Variants in PHLDB2 observed in about 807,000 individuals in gnomAD.
PHLDB2 encodes pleckstrin homology-like domain family B member 2.
In PHLDB2, 71 loss-of-function variants were observed where a neutral mutation model predicts 123.6. That is an observed-to-expected ratio of 0.57 (90% CI 0.47 to 0.70). The LOEUF is 0.70. Ranked by LOEUF, PHLDB2 falls within the 30% of genes least tolerant of loss-of-function variation. The pLI is 0.00. For missense variants in PHLDB2, 1,446 were observed against 1,519.5 expected, an observed-to-expected ratio of 0.95 and a Z score of 0.80; for synonymous variants, 547 against 541.6, an observed-to-expected ratio of 1.01 and a Z score of -0.14.
chr3:111,958,832 A>G (rs539647088), intron 12 of PHLDB2: 7 of 427,744 alleles, frequency 1.6e-5, no homozygotes, highest in East Asian at 1.4e-4. Flanking sequence ...ATTTTTCCCA[A>G]TCTTGTTTCT....
chr3:111,747,404 T>C (rs1041713678), intron 1 of PHLDB2, among the ~76,000 whole-genome samples: 1 of 152,094 alleles, frequency 6.6e-6, no homozygotes. Context: ...TTGGTAAATA[T>C]ATTTATAAAT....
chr3:111,786,538 T>G (rs997861353), intron 1 of PHLDB2, among the ~76,000 whole-genome samples: 14 of 152,216 alleles, frequency 9.2e-5, no homozygotes, highest in African/African-American at 3.4e-4. Context: ...TTGACCTAGC[T>G]GAAGAAAATG....
chr3:111,918,127 A>G (rs922974573), intron 3 of PHLDB2, among the ~76,000 whole-genome samples: 2 of 152,262 alleles, frequency 1.3e-5, no homozygotes, highest in Admixed American at 6.5e-5. Context: ...CAGAAATTCT[A>G]GAAAGAAGAA....
chr3:111,740,440 C>T (rs2059583857), intron 1 of PHLDB2, among the ~76,000 whole-genome samples: 3 of 152,070 alleles, frequency 2.0e-5, no homozygotes, highest in Admixed American at 6.6e-5. Context: ...AGTGGGCAGA[C>T]GATGCCATAA....
chr3:111,776,105 C>G (rs1448029402), intron 1 of PHLDB2, among the ~76,000 whole-genome samples: 1 of 152,164 alleles, frequency 6.6e-6, no homozygotes, highest in Non-Finnish European at 1.5e-5. Context: ...GAGAGCCCCT[C>G]ATAACTGCTA....
chr3:111,907,738 C>T (rs141192392), intron 2 of PHLDB2, among the ~76,000 whole-genome samples: 24 of 152,260 alleles, frequency 1.6e-4, no homozygotes, highest in African/African-American at 4.8e-4. Flanking sequence ...GTGATCCACA[C>T]GCCTCAACCT....
intron 2 of PHLDB2, among the ~76,000 whole-genome samples, chr3:111,852,773 CACACACACAT>C (rs1466554901): frequency 9.5e-5 from 13 of 136,754 alleles, no homozygotes; most frequent in Non-Finnish European, 1.7e-4. Context: ...CACACACACA[CACACACACAT>C]ACACACACAC....
At chr3:111,855,452 G>A (rs944838246), upstream of PHLDB2, among the ~76,000 whole-genome samples, 13 of 144,880 alleles carry the variant, frequency 9.0e-5, no homozygotes, top group African/African-American at 2.8e-4. Context: ...CCCCTCCCGC[G>A]CTTCCCTCTT....
At chr3:111,935,644 A>G (rs2069442457) in intron 6 of PHLDB2, among the ~76,000 whole-genome samples, 1 of 152,164 alleles carries the variant, frequency 6.6e-6, no homozygotes, top group Admixed American at 6.5e-5. Context: ...CTCAAAACTG[A>G]AGTACTTGGA....
chr3:111,746,230 TC>T (rs1334594537), intron 1 of PHLDB2, among the ~76,000 whole-genome samples: 1 of 152,172 alleles, frequency 6.6e-6, no homozygotes, highest in African/African-American at 2.4e-5. Context: ...CAATGCTTAT[TC>T]CTTCTGTTGA....
intron 1 of PHLDB2, among the ~76,000 whole-genome samples, chr3:111,759,805 T>C (rs2059963211): frequency 6.6e-6 from 1 of 152,242 alleles, no homozygotes; most frequent in Non-Finnish European, 1.5e-5. Flanking sequence ...CGTCAGATTT[T>C]GGATTTGAGT....
chr3:111,952,259 C>T (rs1395915147), intron 10 of PHLDB2, among the ~76,000 whole-genome samples: 2 of 152,316 alleles, frequency 1.3e-5, no homozygotes, highest in East Asian at 1.9e-4. Flanking sequence ...TGTCCACTGG[C>T]TGTTCTGCCA....
intron 5 of PHLDB2, among the ~76,000 whole-genome samples, chr3:111,923,482 G>A (rs1348687296): frequency 1.3e-5 from 2 of 152,092 alleles, no homozygotes; most frequent in Non-Finnish European, 2.9e-5. Context: ...GTATATGCTG[G>A]TGACTATCAT....
At chr3:111,931,123 C>T (rs1394625752) in intron 5 of PHLDB2, among the ~76,000 whole-genome samples, 1 of 152,096 alleles carries the variant, frequency 6.6e-6, no homozygotes, top group African/African-American at 2.4e-5. Flanking sequence ...CTGTGATGTG[C>T]TTAGAAGCTA....
intron 1 of PHLDB2, among the ~76,000 whole-genome samples, chr3:111,752,311 A>G (rs939330127): frequency 6.6e-6 from 1 of 152,020 alleles, no homozygotes; most frequent in Admixed American, 6.6e-5. Flanking sequence ...ACTAAACTCT[A>G]AAATTCTATC....
chr3:111,859,449 G>C lies in PHLDB2; in HGVS notation c.-142G>C. 3 of 985,540 alleles carry C rather than the reference G, an allele frequency of 3.0e-6. No individual in the cohort carries two copies. Among genetic ancestry groups the C allele is most frequent in the South Asian group, 9.4e-5 (2 of 21,292 alleles). The allele number at this position is 985,540 out of a possible 1,614,324, so 61.0% of individuals were successfully genotyped here. On this transcript the variant is annotated 5_prime_UTR_variant, in exon 1 of 18. Transcript: ENST00000431670. ...GGTTACAAAGGGGGTCAAGAGTGCC[G>C]GACCCAGCCGCGCGGAGCCCACCAT...
At chr3:111,942,698 G>T (rs1050333780) in intron 8 of PHLDB2, among the ~76,000 whole-genome samples, 2 of 152,040 alleles carry the variant, frequency 1.3e-5, no homozygotes, top group Non-Finnish European at 2.9e-5. Flanking sequence ...AGGCTGTGAA[G>T]GGCCTTATGG....
rs1357987842 is a variant in PHLDB2, at chr3:111,885,386, C to A, written c.1309C>A (p.Leu437Ile). ...DYHRRQREER[L>I]REQEMERLER... is the part of the protein sequence containing the mutation. ...TCACCGGCGGCAGAGGGAGGAAAGA[C>A]TCAGGGAGCAGGAAATGGAGCGATT... is the stretch of plus-strand genomic sequence containing the variant. The change falls in exon 2 of 18, where the codon CTC becomes ATC. Residue 437 changes from leucine (L) to isoleucine (I), a missense_variant. Transcript: ENST00000431670. 1 of 1,614,118 alleles carries A rather than the reference C, an allele frequency of 6.2e-7. No homozygotes were observed.
chr3:111,789,747 G>A (rs931197667), intron 1 of PHLDB2, among the ~76,000 whole-genome samples: 9 of 151,780 alleles, frequency 5.9e-5, no homozygotes, highest in Middle Eastern at 6.8e-3. Flanking sequence ...TATAAACAGC[G>A]ACCAACAAAT....
Sources: gnomAD v4.1 joint callset for allele counts (sites outside exome capture counted in the v4.1 genomes callset) on GRCh38, gnomAD v4.1.1 for gene constraint, MANE v1.5 for transcripts, NCBI Gene and HGNC (gene_info 2026-07-23, HGNC 2026-07-21) for gene names.